The following HELB variants were observed in gnomAD, a reference collection of about 807,000 sequenced individuals.
HELB encodes the protein DNA 5'-3' helicase B.
HELB carries 96 observed loss-of-function variants against 101.7 expected under a neutral mutation model. That is an observed-to-expected ratio of 0.94 (90% confidence interval 0.80 to 1.12). The LOEUF is 1.12. Among genes scored for constraint, HELB ranks in the 50% most tolerant of loss-of-function variants. The pLI is 0.00. For synonymous variants in HELB, 437 were observed against 459.7 expected, an observed-to-expected ratio of 0.95 and a Z score of 0.63; for missense variants, 1,210 against 1,291.9, an observed-to-expected ratio of 0.94 and a Z score of 0.97.
intron 6 of HELB, among the ~76,000 whole-genome samples, chr12:66,317,018 C>CAAAAAAA (rs35841295): frequency 1.2e-5 from 1 of 81,480 alleles, no homozygotes; most frequent in Non-Finnish European, 2.4e-5. Flanking sequence ...GACTCCATCT[C>CAAAAAAA]AAAAAAAAAA....
chr12:66,314,925 A>T (rs543027376), intron 5 of HELB, among the ~76,000 whole-genome samples: 24 of 151,192 alleles, frequency 1.6e-4, no homozygotes, highest in Non-Finnish European at 2.4e-4. Flanking sequence ...GAGGCTGTAG[A>T]TTCTTCCACT....
intron 11 of HELB, among the ~76,000 whole-genome samples, chr12:66,327,052 A>AT: frequency 7.9e-6 from 1 of 126,732 alleles, no homozygotes; most frequent in African/African-American, 3.4e-5. Context: ...AAAAAAAAAA[A>AT]AAAAAAAAAA....
chr12:66,330,794 T>G (rs993088803), intron 11 of HELB, among the ~76,000 whole-genome samples: 1 of 151,198 alleles, frequency 6.6e-6, no homozygotes, highest in Non-Finnish European at 1.5e-5. Context: ...ACTTAAAGTT[T>G]TCATATTTTG....
chr12:66,335,253 C>G (rs2053854226), intron 12 of HELB, among the ~76,000 whole-genome samples: 1 of 152,126 alleles, frequency 6.6e-6, no homozygotes, highest in Non-Finnish European at 1.5e-5. Context: ...GAATCATTGG[C>G]ATGTAGTGAT....
chr12:66,326,476 TG>T (rs933963341), intron 11 of HELB, among the ~76,000 whole-genome samples: 7 of 151,918 alleles, frequency 4.6e-5, no homozygotes, highest in African/African-American at 1.7e-4. Flanking sequence ...CTCCTGACCT[TG>T]TGATCTGCCC....
At chr12:66,337,673 C>T (rs1315957334) in intron 12 of HELB, among the ~76,000 whole-genome samples, 1 of 150,918 alleles carries the variant, frequency 6.6e-6, no homozygotes, top group Non-Finnish European at 1.5e-5. Flanking sequence ...TAATTTTGAA[C>T]AAGGGGCCAT....
chr12:66,305,313 A>T (rs1348185576), intron 2 of HELB, among the ~76,000 whole-genome samples, 163 bp downstream of exon 2: 2 of 152,226 alleles, frequency 1.3e-5, no homozygotes, highest in African/African-American at 4.8e-5. Flanking sequence ...CAGGTTTCTC[A>T]TCTGTAGCAT....
chr12:66,324,017 G>A lies in HELB; in HGVS notation c.2332G>A (p.Asp778Asn). The change falls in exon 10 of 13, where the codon GAT (aspartate) becomes AAT (asparagine). Residue 778 changes from aspartate (D) to asparagine (N), a missense_variant. This residue lies in a region of HELB where 740 missense variants were observed against 728.8 expected (regional missense o/e 1.02). Coordinates refer to ENST00000247815, the MANE Select transcript of HELB (RefSeq NM_001370285.1). ...HQSRLVFGIGDKICCTRNAYL... is the reference protein window; with the variant it reads ...HQSRLVFGIGNKICCTRNAYL... The stretch of plus-strand genomic sequence containing the variant: ...GAGTAGACTTGTTTTTGGAATTGGT[G>A]ATAAAATTTGTTGTACCAGGAATGC... The A allele has an allele frequency of 3.7e-6, 6 of 1,613,016 alleles. No individual in the cohort carries two copies. The highest frequency in any genetic ancestry group is 5.1e-6 in the Non-Finnish European group (6 of 1,179,258).
intron 11 of HELB, among the ~76,000 whole-genome samples, chr12:66,328,681 G>GA (rs1426481013): frequency 6.6e-6 from 1 of 152,090 alleles, no homozygotes; most frequent in African/African-American, 2.4e-5. Flanking sequence ...ATGAACTCTA[G>GA]AAATAGATTA....
chr12:66,303,858 T>C (rs769715187), intron 1 of HELB, among the ~76,000 whole-genome samples: 1 of 152,244 alleles, frequency 6.6e-6, no homozygotes, highest in Non-Finnish European at 1.5e-5. Flanking sequence ...TGCTGTTCAG[T>C]AGAACTTTCC....
chr12:66,321,995 A>T lies in HELB; in HGVS notation c.2203A>T (p.Asn735Tyr). 1 of 1,182,098 alleles carries T rather than the reference A, an allele frequency of 8.5e-7. No individual in the cohort carries two copies. The highest frequency in any genetic ancestry group is 1.2e-6 in the Non-Finnish European group (1 of 817,484). 73.2% of individuals were successfully genotyped at this position (1,182,098 alleles called of 1,614,324 possible). The change falls in exon 8 of 13, where the codon AAT becomes TAT. Residue 735 changes from asparagine to tyrosine, a missense_variant. Asn to Tyr is a moderately radical substitution (Grantham distance 143). This residue lies in a region of HELB where 740 missense variants were observed against 728.8 expected (regional missense o/e 1.02). Coordinates refer to ENST00000247815, the MANE Select transcript of HELB (RefSeq NM_001370285.1). ...TTTACTACAAGAAAATAACTTACAA[A>T]ATGCAAAAACATCACAATTTATTGC... ...KTLLQENNLQ[N>Y]AKTSQFIAFR...
At chr12:66,342,702 C>CT (rs34430491), downstream of HELB, 67,717 of 146,802 alleles carry the variant, frequency 0.46, 15,879 homozygotes, top group East Asian at 0.57. Context: ...TTTTCTTTTT[C>CT]TTTTTTTTTT....
intron 10 of HELB, chr12:66,324,425 C>T (rs1182965745): frequency 1.4e-5 from 6 of 420,730 alleles, no homozygotes; most frequent in Non-Finnish European, 2.5e-5. Context: ...ATACTGGCCT[C>T]AGAAAATGAG....
In HELB at chr12:66,323,992, G is replaced by C. The variant is rs1276263412; in HGVS notation, c.2307G>C (p.Gln769His). Residue 769 changes from glutamine (Q) to histidine (H), a missense_variant, in exon 10 of 13, where the codon CAG becomes CAC. Physicochemically the swap from Gln to His is conservative, Grantham distance 24. This residue lies in a region of HELB where 740 missense variants were observed against 728.8 expected (regional missense o/e 1.02). Transcript: ENST00000247815. ...HYTGHLTKDHQSRLVFGIGDK... is the reference protein window; with the variant it reads ...HYTGHLTKDHHSRLVFGIGDK... The stretch of plus-strand genomic sequence containing the variant: ...TCATTTTCTATCCCAGAGACCATCA[G>C]AGTAGACTTGTTTTTGGAATTGGTG... 2 of 1,606,076 alleles carry C rather than the reference G, an allele frequency of 1.2e-6. No individual in the cohort carries two copies. Among genetic ancestry groups the C allele is most frequent in the Non-Finnish European group, 8.5e-7 (1 of 1,173,124 alleles).
chr12:66,310,435 G>A lies in HELB; in HGVS notation c.1507G>A (p.Ala503Thr). Residue 503 changes from alanine to threonine, a missense_variant, in exon 4 of 13, where the codon GCC becomes ACC. Transcript: ENST00000247815. ...GTTGGAAGAAAGAGAAGTAAAAAAA[G>A]CCTGTGAAGATTTTGAACAAGACCA... ...EQLEEREVKK[A>T]CEDFEQDQNA... 6.2e-7 allele frequency: 1 copy of A among 1,614,142 alleles called. No individual in the cohort carries two copies. Among genetic ancestry groups the A allele is most frequent in the Non-Finnish European group, 8.5e-7 (1 of 1,180,022 alleles).
rs1294871454 is a variant in HELB at position 66,331,235 on chromosome 12, A to T, written c.2752A>T (p.Arg918Trp). 1.2e-6 allele frequency: 2 copies of T among 1,614,110 alleles called. No homozygotes were observed. The highest frequency in any genetic ancestry group is 2.7e-5 in the African/African-American group (2 of 74,954). The change falls in exon 12 of 13, where the codon AGG becomes TGG. Residue 918 changes from arginine to tryptophan, a missense_variant. Transcript: ENST00000247815. ...HWQHVYTAVT[R>W]GRCRVYVIAE... ...GCAGCATGTCTACACCGCCGTGACCAGGGGCCGCTGCCGAGTGTATGTGAT... is the reference window on the plus strand; with the variant it reads ...GCAGCATGTCTACACCGCCGTGACCTGGGGCCGCTGCCGAGTGTATGTGAT...
chr12:66,306,430 G>A lies in HELB; in HGVS notation c.693G>A (p.Trp231Ter). Residue 231 changes from tryptophan to a stop codon, truncating the protein, a stop_gained, in exon 3 of 13, where the codon TGG becomes TGA. Coordinates refer to ENST00000247815, the MANE Select transcript of HELB (RefSeq NM_001370285.1). LOFTEE classifies it high-confidence loss of function. ...TTCTTCTGCCTCGACACTTTAAATG[G>A]ATCATAGGGTCAGGTTCTAAAGAGA... is the stretch of plus-strand genomic sequence containing the variant. ...LPVLLPRHFK[W>*]IIGSGSKEML... The A allele has an allele frequency of 6.2e-7, 1 of 1,610,416 alleles. No homozygotes were observed.
At chr12:66,326,224 T>C (rs2053735347) in intron 11 of HELB, among the ~76,000 whole-genome samples, 1 of 152,136 alleles carries the variant, frequency 6.6e-6, no homozygotes, top group Non-Finnish European at 1.5e-5. Flanking sequence ...GGTATGTTGC[T>C]TTAATGGAGA....
At position 66,314,470 on chromosome 12, in the gene HELB, A is replaced by AT. The variant is rs1349348328; in HGVS notation, c.1858+310dup. ...TTCAGAGTAAATCAGGATGTGAATCATTTGGAAATGATAAAAAGTTTGAAT... is the reference window on the plus strand; with the variant it reads ...TTCAGAGTAAATCAGGATGTGAATCATTTTGGAAATGATAAAAAGTTTGAAT... On this transcript the variant is annotated intron_variant, in intron 5 of 12. Coordinates refer to ENST00000247815, the MANE Select transcript of HELB (RefSeq NM_001370285.1). Among the ~76,000 whole-genome samples, 4 of 152,278 alleles carry AT rather than the reference A, an allele frequency of 2.6e-5. No individual in the cohort carries two copies. The East Asian group carries it at 7.7e-4, about 29-fold the overall frequency.
Sources: allele counts gnomAD v4.1 joint callset (sites outside exome capture counted in the v4.1 genomes callset), GRCh38; gene constraint gnomAD v4.1.1; regional missense constraint gnomAD v4.1.1; transcripts MANE v1.5; gene names NCBI Gene and HGNC (gene_info 2026-07-23, HGNC 2026-07-21).